GRK1: variants seen among roughly 807,000 people sequenced by gnomAD.
GRK1 encodes G protein-coupled receptor kinase 1.
In GRK1, 28 loss-of-function variants were observed where a neutral mutation model predicts 41.7. The observed-to-expected ratio is 0.67, with a 90% CI of 0.50 to 0.92. The LOEUF (loss-of-function observed/expected upper bound fraction) is 0.92, where lower values mean the gene tolerates loss of function less well. GRK1 is among the 40% of genes least tolerant of loss of function. GRK1 has a pLI of 0.00. For missense variants in GRK1, 703 were observed against 671.2 expected (o/e 1.05, Z -0.52); for synonymous variants, 327 against 286.7 (o/e 1.14, Z -1.42).
chr13:113,649,650 G>GT, the GRK1 span: 1 of 1,243,148 alleles, frequency 8.0e-7, no homozygotes, highest in East Asian at 2.8e-5. This position sits in a 1 kb window ranked among gnomAD's most constrained non-coding sequence, Gnocchi z 4.7. Flanking sequence ...GCTCTTTTGT[G>GT]TAAGACTGGC....
chr13:113,653,347 G>A, the GRK1 span: 3 of 1,614,008 alleles, frequency 1.9e-6, no homozygotes, highest in Non-Finnish European at 2.5e-6. Flanking sequence ...GAGAGTCTGT[G>A]TGAGGTCTGC....
intron 6 of GRK1, among the ~76,000 whole-genome samples, chr13:113,733,796 TGTGTATCTGTGTGCATAC>T (rs2049968151): frequency 3.3e-5 from 4 of 121,362 alleles, no homozygotes; most frequent in Admixed American, 2.4e-4. Flanking sequence ...CATGTGTGTA[TGTGTATCTGTGTGCATAC>T]GTGTGTGCGT....
At chr13:113,672,475 G>T (rs1387609096) in intron 3 of GRK1, among the ~76,000 whole-genome samples, 5 of 152,220 alleles carry the variant, frequency 3.3e-5, no homozygotes, top group African/African-American at 9.6e-5. Context: ...TATGTGTGTG[G>T]TATCTGTATG....
the GRK1 span, among the ~76,000 whole-genome samples, chr13:113,659,534 GA>G: frequency 1.5e-4 from 23 of 152,124 alleles, no homozygotes; most frequent in Admixed American, 2.6e-4. Context: ...AATTCAAATG[GA>G]ATGATGTCAT....
At chr13:113,648,272 A>G in the GRK1 span, among the ~76,000 whole-genome samples, 6 of 152,222 alleles carry the variant, frequency 3.9e-5, no homozygotes, top group Non-Finnish European at 5.9e-5. Flanking sequence ...ACCTTACAAC[A>G]TATCTGCAAG....
chr13:113,723,081 C>A lies in GRK1; in HGVS notation c.993C>A (p.Val331=), dbSNP rs369766658. ...ENVLLDNDGN[V]RISDLGLAVE... is the part of the protein sequence containing the mutation. ...CCGCTATCTGCCTCTCAGGCAATGT[C>A]CGGATCTCTGACCTTGGGCTGGCCG... The change falls in exon 4 of 7, where the codon GTC becomes GTA. Residue 331 remains valine (V), a synonymous_variant. Transcript: ENST00000335678. 20 of 700,754 alleles carry A rather than the reference C, an allele frequency of 2.9e-5. No individual in the cohort carries two copies. The highest frequency in any genetic ancestry group is 2.3e-4 in the African/African-American group (13 of 56,160). 43.4% of individuals were successfully genotyped at this position (700,754 alleles called of 1,614,324 possible).
At chr13:113,724,014 CTGTA>C (rs1273381920) in intron 4 of GRK1, among the ~76,000 whole-genome samples, 4 of 152,186 alleles carry the variant, frequency 2.6e-5, no homozygotes, top group Non-Finnish European at 5.9e-5. Context: ...GTCCGTGTGC[CTGTA>C]TGTGAGTGCA....
the GRK1 span, chr13:113,652,984 G>A: frequency 6.2e-7 from 1 of 1,614,190 alleles, no homozygotes; most frequent in South Asian, 1.1e-5. Context: ...AGGAGAACTT[G>A]GTGTGGTTGG....
chr13:113,649,660 C>T, the GRK1 span: 4 of 1,137,896 alleles, frequency 3.5e-6, no homozygotes, highest in Non-Finnish European at 3.5e-6. The surrounding 1 kb of genome is among the most constrained non-coding windows in gnomAD (Gnocchi z 4.7). Context: ...GTAAGACTGG[C>T]CCTGACCGAG....
the GRK1 span, among the ~76,000 whole-genome samples, chr13:113,657,538 C>T: frequency 7.4e-4 from 113 of 152,212 alleles, no homozygotes; most frequent in Non-Finnish European, 1.4e-3. Flanking sequence ...TCGCACAAGG[C>T]GCAGGTGCTG....
rs1566702045 is a variant in GRK1, at chr13:113,737,106, C to G, written c.*1743C>G. 6.6e-6 allele frequency: 1 copy of G among 152,608 alleles called. No individual in the cohort carries two copies. 9.5% of individuals were successfully genotyped at this position (152,608 alleles called of 1,614,324 possible). On this transcript the variant is annotated 3_prime_UTR_variant, in exon 7 of 7. Transcript: ENST00000335678. ...TCTTCCTGTTGGGGAGAAGAGGACCCTGGCAATCCACAATTTTGGAGATTT... is the reference window on the plus strand; with the variant it reads ...TCTTCCTGTTGGGGAGAAGAGGACCGTGGCAATCCACAATTTTGGAGATTT...
At chr13:113,654,682 C>G in the GRK1 span, 5 of 1,408,980 alleles carry the variant, frequency 3.5e-6, no homozygotes, top group Non-Finnish European at 4.7e-6. Context: ...TGTGGCTCAC[C>G]CTGGGGCTGC....
At chr13:113,651,534 G>A in the GRK1 span, 1 of 948,562 alleles carries the variant, frequency 1.1e-6, no homozygotes, top group Non-Finnish European at 1.5e-6. Context: ...TGATGGTTCG[G>A]TGTTTACGTC....
chr13:113,662,178 CAG>C, the GRK1 span, among the ~76,000 whole-genome samples: 1 of 152,242 alleles, frequency 6.6e-6, no homozygotes, highest in African/African-American at 2.4e-5. Context: ...AAAACCCAAT[CAG>C]TGTGATCCAC....
At chr13:113,734,029 TGTGC>T (rs2049982332) in intron 6 of GRK1, among the ~76,000 whole-genome samples, 1 of 140,854 alleles carries the variant, frequency 7.1e-6, no homozygotes, top group Non-Finnish European at 1.5e-5. Flanking sequence ...TGTGCGTGCG[TGTGC>T]GTATGTGTGT....
At chr13:113,653,085 G>A in the GRK1 span, 397 of 1,601,564 alleles carry the variant, frequency 2.5e-4, no homozygotes, top group East Asian at 9.0e-4. Flanking sequence ...GCAGACGGAC[G>A]CACCTGCCAG....
chr13:113,654,504 A>G, the GRK1 span, among the ~76,000 whole-genome samples: 3 of 152,236 alleles, frequency 2.0e-5, no homozygotes, highest in East Asian at 1.9e-4. Context: ...CTTTGTCTCT[A>G]TAACAAAACC....
the GRK1 span, among the ~76,000 whole-genome samples, chr13:113,660,124 G>C: frequency 6.6e-6 from 1 of 152,184 alleles, no homozygotes; most frequent in Non-Finnish European, 1.5e-5. Flanking sequence ...CCCACAGCAT[G>C]CTCTGAAAAC....
In GRK1 at chr13:113,723,477, A is replaced by G. The variant is rs2049869431; in HGVS notation, c.1069+320A>G. 2.6e-5 allele frequency among the ~76,000 whole-genome samples: 4 copies of G among 152,166 alleles called. No homozygotes were observed. The South Asian group carries it at 8.3e-4, about 31-fold the overall frequency. ...ACATTTTAGGGAGCCATGAGACATC[A>G]ATCAGCATATGTAAGATGAACACTG... On this transcript the variant is annotated intron_variant, in intron 4 of 6. Transcript: ENST00000335678.
Sources: gnomAD v4.1 joint callset for allele counts (sites outside exome capture counted in the v4.1 genomes callset) on GRCh38, gnomAD v4.1.1 for gene constraint, Gnocchi (gnomAD v3.1) non-coding constraint, MANE v1.5 for transcripts, NCBI Gene and HGNC (gene_info 2026-07-23, HGNC 2026-07-21) for gene names.